OSBPL9: variants seen among roughly 807,000 people sequenced by gnomAD.
OSBPL9 encodes oxysterol binding protein like 9.
In OSBPL9, 40 loss-of-function variants were observed where a neutral mutation model predicts 106.6. The observed-to-expected ratio is 0.38, with a 90% CI of 0.29 to 0.49. The LOEUF (loss-of-function observed/expected upper bound fraction) is 0.49. Ranked by LOEUF, OSBPL9 falls within the 20% of genes least tolerant of loss-of-function variation. The pLI is 0.97. For synonymous variants in OSBPL9, 269 were observed against 295.4 expected, an observed-to-expected ratio of 0.91 and a Z score of 0.92; for missense variants, 609 against 887.2, an observed-to-expected ratio of 0.69 and a Z score of 3.98.
At chr1:51,518,754 G>A in the OSBPL9 span, among the ~76,000 whole-genome samples, 1 of 152,002 alleles carries the variant, frequency 6.6e-6, no homozygotes, top group Non-Finnish European at 1.5e-5. Context: ...CGCGCAGCCG[G>A]CCTGGCGGGC....
At chr1:51,613,959 T>G (rs1227244045), upstream of OSBPL9, among the ~76,000 whole-genome samples, 1 of 152,106 alleles carries the variant, frequency 6.6e-6, no homozygotes, top group Non-Finnish European at 1.5e-5. Flanking sequence ...TCCAGGCTGT[T>G]CTTTGTTGCT....
the OSBPL9 span, among the ~76,000 whole-genome samples, chr1:51,551,788 TC>T: frequency 5.1e-3 from 775 of 152,040 alleles, 3 homozygotes; most frequent in Non-Finnish European, 8.0e-3. Flanking sequence ...GGATGGGGGT[TC>T]ACTATGTTGC....
At chr1:51,552,906 GGCCACCATAC>G in the OSBPL9 span, among the ~76,000 whole-genome samples, 1 of 151,692 alleles carries the variant, frequency 6.6e-6, no homozygotes, top group African/African-American at 2.4e-5. Context: ...TATAGTCGTG[GGCCACCATAC>G]CTGGTCTTTC....
chr1:51,674,670 C>T (rs188597993), intron 3 of OSBPL9, among the ~76,000 whole-genome samples: 16 of 152,260 alleles, frequency 1.1e-4, no homozygotes, highest in African/African-American at 3.6e-4. Context: ...TTTAGGTCAA[C>T]GATGGACCAC....
chr1:51,746,802 A>G lies in OSBPL9; in HGVS notation c.462+45A>G, dbSNP rs565815200. ...TTTTGACGTTAAAAATTTTAAATTCAGCCTTTTGGAGAACACTAAGTATCT... is the reference window on the plus strand; with the variant it reads ...TTTTGACGTTAAAAATTTTAAATTCGGCCTTTTGGAGAACACTAAGTATCT... On this transcript the variant is annotated intron_variant, in intron 6 of 23. Transcript: ENST00000428468. The G allele has an allele frequency of 1.0e-5, 15 of 1,465,116 alleles. No individual in the cohort carries two copies. In the South Asian group the frequency reaches 1.7e-4, roughly 16 times the overall value. The allele number at this position is 1,465,116 out of a possible 1,614,324, so 90.8% of individuals were successfully genotyped here. A position where few individuals can be genotyped will look rare whatever the true frequency, so the allele number is the denominator to read the frequency against.
Position 51,750,821 on chromosome 1 carries a change from C to T in OSBPL9, c.543+626C>T, listed in dbSNP as rs191691642. 5.3e-5 allele frequency among the ~76,000 whole-genome samples: 8 copies of T among 152,306 alleles called. No homozygotes were observed. The East Asian group carries it at 1.3e-3, about 26-fold the overall frequency. The stretch of plus-strand genomic sequence containing the variant: ...TTTTAAAACTATTTCTACCTCACTA[C>T]ACCCCTTTATTTCCAGCAAGTGGCT... On this transcript the variant is annotated intron_variant, in intron 8 of 23. Coordinates refer to ENST00000428468, the MANE Select transcript of OSBPL9 (RefSeq NM_024586.6).
chr1:51,784,140 G>GT (rs1177863943), intron 18 of OSBPL9, 115 bp downstream of exon 18: 14 of 1,379,894 alleles, frequency 1.0e-5, no homozygotes, highest in Non-Finnish European at 1.3e-5. Context: ...AGAGCAAAGG[G>GT]TGGGGAACTA....
chr1:51,772,961 GT>G (rs1428153073), intron 14 of OSBPL9, among the ~76,000 whole-genome samples: 1 of 152,186 alleles, frequency 6.6e-6, no homozygotes, highest in Non-Finnish European at 1.5e-5. Context: ...ATTTGGTAGA[GT>G]TCTAATCTTA....
chr1:51,644,078 TAAAAAAAAAAAAAA>T (rs968921768), intron 1 of OSBPL9, among the ~76,000 whole-genome samples: 2 of 43,252 alleles, frequency 4.6e-5, no homozygotes, highest in African/African-American at 2.0e-4. Flanking sequence ...AGACCTTGTC[TAAAAAAAAAAAAAA>T]AAAAAAAAAA....
At chr1:51,590,635 AG>A (rs1227732123) in intron 1 of OSBPL9, among the ~76,000 whole-genome samples, 18 of 150,466 alleles carry the variant, frequency 1.2e-4, no homozygotes, top group African/African-American at 4.2e-4. Flanking sequence ...AAAAAAAAAA[AG>A]AAAAAAAAGA....
the OSBPL9 span, among the ~76,000 whole-genome samples, chr1:51,569,088 T>G: frequency 3.2e-3 from 482 of 152,284 alleles, 1 homozygote; most frequent in African/African-American, 0.011. Context: ...CGTGCTTAAG[T>G]AAGATCTGGA....
In OSBPL9 at chr1:51,664,605, T is replaced by C. The variant is rs574517935; in HGVS notation, c.163-4829T>C. The stretch of plus-strand genomic sequence containing the variant: ...TACTCAAGAGGCTGAGGCACAAATA[T>C]CACTTGAGCCTCAGAAGCAGAGGTT... On this transcript the variant is annotated intron_variant, in intron 2 of 23. Transcript: ENST00000428468. Among the ~76,000 whole-genome samples the C allele has an allele frequency of 3.0e-3, 452 of 152,170 alleles. 4 individuals are homozygous for C. The highest frequency in any genetic ancestry group is 0.011 in the African/African-American group (438 of 41,512).
chr1:51,639,798 G>A (rs976243986), intron 1 of OSBPL9, among the ~76,000 whole-genome samples: 2 of 150,740 alleles, frequency 1.3e-5, no homozygotes, highest in African/African-American at 2.4e-5. Context: ...TAACAGATTC[G>A]GGGAGGCATT....
In OSBPL9 at chr1:51,782,563, T is replaced by C. The variant is rs770025757; in HGVS notation, c.1433T>C (p.Leu478Pro). Reference protein sequence around the residue: ...LPNDTEENTELVSEGPVPWVS... With the variant: ...LPNDTEENTEPVSEGPVPWVS... ...TTATGTTATATTTGCTTGCAGGAAC[T>C]AGTTTCAGAAGGACCAGTTCCCTGG... The change falls in exon 17 of 24, where the codon CTA (leucine) becomes CCA (proline). Residue 478 changes from leucine to proline, a missense_variant. By Grantham distance (98) the Leu-to-Pro change is moderately conservative. Transcript: ENST00000428468. 6.2e-7 allele frequency: 1 copy of C among 1,613,378 alleles called. No individual in the cohort carries two copies. Among genetic ancestry groups the C allele is most frequent in the Admixed American group, 1.7e-5 (1 of 59,826 alleles).
intron 3 of OSBPL9, among the ~76,000 whole-genome samples, chr1:51,688,133 T>G (rs769106544): frequency 1.6e-4 from 24 of 152,182 alleles, no homozygotes; most frequent in Admixed American, 5.9e-4. Flanking sequence ...GAATTTACAT[T>G]TTCAACTAAT....
chr1:51,696,838 T>C (rs1457125817), intron 3 of OSBPL9, among the ~76,000 whole-genome samples: 2 of 152,130 alleles, frequency 1.3e-5, no homozygotes, highest in Non-Finnish European at 2.9e-5. Context: ...CTTTTTTGCT[T>C]AGTTGACAGA....
intron 4 of OSBPL9, among the ~76,000 whole-genome samples, chr1:51,737,508 T>G (rs1378435141): frequency 6.6e-6 from 1 of 151,394 alleles, no homozygotes; most frequent in East Asian, 1.9e-4. Context: ...TAACTGCAGG[T>G]GTTTTGTTTC....
intron 3 of OSBPL9, among the ~76,000 whole-genome samples, chr1:51,676,429 C>CA (rs199587966): frequency 1.7e-3 from 254 of 146,090 alleles, no homozygotes; most frequent in East Asian, 4.8e-3. Flanking sequence ...GATGCCTTCT[C>CA]AAAAAAAAAC....
chr1:51,667,716 T>G (rs1288232214), intron 2 of OSBPL9, among the ~76,000 whole-genome samples: 1 of 152,226 alleles, frequency 6.6e-6, no homozygotes. Context: ...TAATCACAAA[T>G]TACATTAACC....
Sources: gnomAD v4.1 joint callset for allele counts (sites outside exome capture counted in the v4.1 genomes callset) on GRCh38, gnomAD v4.1.1 for gene constraint, MANE v1.5 for transcripts, NCBI Gene and HGNC (gene_info 2026-07-23, HGNC 2026-07-21) for gene names.